THSD7B: variants seen among roughly 807,000 people sequenced by gnomAD.
THSD7B encodes thrombospondin type 1 domain containing 7B.
A neutral mutation model predicts 213.6 loss-of-function variants in THSD7B; 138 were observed. The observed-to-expected ratio is 0.65, with a 90% CI of 0.56 to 0.74. The LOEUF (loss-of-function observed/expected upper bound fraction) is 0.74. Ranked by LOEUF, THSD7B falls within the 30% of genes least tolerant of loss-of-function variation. The pLI is 0.00. For synonymous variants in THSD7B, 742 were observed against 687.0 expected (o/e 1.08, Z -1.25); for missense variants, 1,931 against 1,991.5 (o/e 0.97, Z 0.58).
intron 7 of THSD7B, among the ~76,000 whole-genome samples, chr2:137,213,231 G>A (rs955092749): frequency 2.0e-5 from 3 of 151,054 alleles, no homozygotes; most frequent in East Asian, 1.9e-4. Context: ...TAGCTAGCTA[G>A]CTAGATATCA....
intron 12 of THSD7B, among the ~76,000 whole-genome samples, chr2:137,392,445 T>C (rs986821119): frequency 2.6e-5 from 4 of 152,186 alleles, no homozygotes; most frequent in Non-Finnish European, 4.4e-5. Context: ...TGGGTACATA[T>C]ATATCTAGAA....
Position 137,656,945 on chromosome 2 carries a change from G to A in THSD7B, c.4255G>A (p.Val1419Ile). The A allele has an allele frequency of 1.2e-6, 2 of 1,614,008 alleles. No homozygotes were observed. Among genetic ancestry groups the A allele is most frequent in the Non-Finnish European group, 1.7e-6 (2 of 1,179,884 alleles). ...FENQDSCPQQ[V>I]LETRPCTGGK... ...GAACCAAGACAGCTGCCCCCAACAG[G>A]TTCTAGAAACACGCCCTTGTACAGG... The change falls in exon 23 of 28, where the codon GTT becomes ATT. Residue 1419 changes from valine to isoleucine, a missense_variant. Transcript: ENST00000409968.
chr2:137,170,816 C>A lies in THSD7B; in HGVS notation c.1601C>A (p.Ser534Tyr). 1 of 1,613,758 alleles carries A rather than the reference C, an allele frequency of 6.2e-7. No individual in the cohort carries two copies. Among genetic ancestry groups the A allele is most frequent in the Non-Finnish European group, 8.5e-7 (1 of 1,179,792 alleles). Residue 534 changes from serine to tyrosine, a missense_variant, in exon 7 of 28, where the codon TCT becomes TAT. By Grantham distance (144) the Ser-to-Tyr change is moderately radical (BLOSUM62 -2). Coordinates refer to ENST00000409968, the MANE Select transcript of THSD7B (RefSeq NM_001316349.2). ...PAGHCPHLVE[S>Y]VPCEDPMCYR... The stretch of plus-strand genomic sequence containing the variant: ...GGGCATTGCCCTCATTTGGTGGAGT[C>A]TGTTCCTTGTGAGGATCCAATGTGC...
intron 2 of THSD7B, among the ~76,000 whole-genome samples, chr2:136,900,281 T>C (rs1684041700): frequency 6.6e-6 from 1 of 152,228 alleles, no homozygotes; most frequent in Non-Finnish European, 1.5e-5. Context: ...TGTGTACATG[T>C]GTGGATGTGT....
intron 1 of THSD7B, among the ~76,000 whole-genome samples, chr2:136,799,418 AAT>A (rs1682134177): frequency 6.6e-6 from 1 of 152,036 alleles, no homozygotes; most frequent in African/African-American, 2.4e-5. Context: ...TTACATATTC[AAT>A]AGTTTTCATA....
intron 5 of THSD7B, 108 bp from the exon 6 acceptor site, chr2:137,160,105 T>A: frequency 7.9e-7 from 1 of 1,264,234 alleles, no homozygotes; most frequent in Non-Finnish European, 1.1e-6. Context: ...CATATGTTCT[T>A]TTTAACTATA....
At chr2:137,166,376 T>C in intron 6 of THSD7B, among the ~76,000 whole-genome samples, 1 of 152,176 alleles carries the variant, frequency 6.6e-6, no homozygotes, top group East Asian at 1.9e-4. Context: ...ATGTGATACA[T>C]TTTAAAATTT....
intron 15 of THSD7B, among the ~76,000 whole-genome samples, chr2:137,500,113 C>CA (rs1033860301): frequency 1.3e-5 from 2 of 152,084 alleles, no homozygotes; most frequent in African/African-American, 4.8e-5. Flanking sequence ...CCCCCAATTC[C>CA]AATCAAAGGC....
chr2:137,665,746 C>T (rs1683433859), intron 26 of THSD7B, among the ~76,000 whole-genome samples: 1 of 151,950 alleles, frequency 6.6e-6, no homozygotes, highest in South Asian at 2.1e-4. Flanking sequence ...TATAAATGCC[C>T]ACAAATAGAA....
At chr2:137,262,156 A>T (rs1235462541) in intron 10 of THSD7B, among the ~76,000 whole-genome samples, 1 of 152,192 alleles carries the variant, frequency 6.6e-6, no homozygotes, top group African/African-American at 2.4e-5. Flanking sequence ...TCTTAAGGAC[A>T]TAAAGCATTT....
At chr2:137,357,570 C>T (rs1235962055) in intron 12 of THSD7B, among the ~76,000 whole-genome samples, 1 of 152,144 alleles carries the variant, frequency 6.6e-6, no homozygotes, top group Non-Finnish European at 1.5e-5. Context: ...TTCTTCTTGC[C>T]ATCACCAATT....
intron 1 of THSD7B, among the ~76,000 whole-genome samples, chr2:136,787,529 T>C (rs1276688628): frequency 2.0e-5 from 3 of 152,190 alleles, no homozygotes; most frequent in Admixed American, 6.5e-5. Context: ...GTGCCTACAA[T>C]GTAAGTTTAC....
intron 17 of THSD7B, among the ~76,000 whole-genome samples, chr2:137,589,033 G>A (rs994168642): frequency 2.0e-5 from 3 of 152,062 alleles, no homozygotes; most frequent in Non-Finnish European, 4.4e-5. Context: ...GCCCGTCTGG[G>A]CCTCCACAAA....
At position 137,522,246 on chromosome 2, in the gene THSD7B, A is replaced by G. The variant is rs1386791392; in HGVS notation, c.3139-40975A>G. Among the ~76,000 whole-genome samples, 3 of 152,194 alleles carry G rather than the reference A, an allele frequency of 2.0e-5. No individual in the cohort carries two copies. In the East Asian group the frequency reaches 5.8e-4, roughly 29 times the overall value. On this transcript the variant is annotated intron_variant, in intron 15 of 27. Coordinates refer to ENST00000409968, the MANE Select transcript of THSD7B (RefSeq NM_001316349.2). ...CCTACCAGAGTCCCTTGTAGACTGC[A>G]TGTGTTTTCCAGAGGGATAGTGTAG...
At chr2:137,120,062 A>G (rs1030624) in intron 5 of THSD7B, among the ~76,000 whole-genome samples, 20,127 of 152,128 alleles carry the variant, frequency 0.13, 1,965 homozygotes, top group South Asian at 0.41. Context: ...GAGCAATGAG[A>G]CTGTTTAAGT....
intron 14 of THSD7B, among the ~76,000 whole-genome samples, chr2:137,433,803 G>A (rs766763907): frequency 6.6e-6 from 1 of 152,082 alleles, no homozygotes; most frequent in Non-Finnish European, 1.5e-5. Context: ...TCACTGTGCA[G>A]TTTAAAAAAA....
chr2:137,170,876 C>T lies in THSD7B; in HGVS notation c.1661C>T (p.Pro554Leu), dbSNP rs554705563. 4 of 1,613,554 alleles carry T rather than the reference C, an allele frequency of 2.5e-6. No homozygotes were observed. Among genetic ancestry groups the T allele is most frequent in the Admixed American group, 1.7e-5 (1 of 59,986 alleles). ...RWLASEGICF[P>L]DHGKCGLGHR... is the part of the protein sequence containing the mutation. ...CTGGCATCAGAAGGGATCTGTTTCC[C>T]TGATCATGGAAAATGTGGCCTGGGA... The change falls in exon 7 of 28, where the codon CCT becomes CTT. Residue 554 changes from proline to leucine, a missense_variant. Coordinates refer to ENST00000409968, the MANE Select transcript of THSD7B (RefSeq NM_001316349.2).
At chr2:136,849,031 G>A (rs1388251346) in intron 1 of THSD7B, among the ~76,000 whole-genome samples, 1 of 152,050 alleles carries the variant, frequency 6.6e-6, no homozygotes, top group East Asian at 1.9e-4. Flanking sequence ...AAGATGAGGA[G>A]GTTGATACTG....
intron 15 of THSD7B, 31 bp downstream of exon 15, chr2:137,451,054 T>TA (rs1687640759): frequency 2.0e-6 from 3 of 1,500,880 alleles, no homozygotes; most frequent in African/African-American, 2.8e-5. Flanking sequence ...AATAAAAAGC[T>TA]AAAAAAGCTA....
Sources: allele counts gnomAD v4.1 joint callset (sites outside exome capture counted in the v4.1 genomes callset), GRCh38; gene constraint gnomAD v4.1.1; transcripts MANE v1.5; gene names NCBI Gene and HGNC (gene_info 2026-07-23, HGNC 2026-07-21).